SLC24A2: variants seen among roughly 807,000 people sequenced by gnomAD.
SLC24A2 encodes sodium/potassium/calcium exchanger 2.
A neutral mutation model predicts 62.0 loss-of-function variants in SLC24A2; 36 were observed. The observed-to-expected ratio is 0.58, with a 90% CI of 0.44 to 0.77. The LOEUF (loss-of-function observed/expected upper bound fraction) is 0.77, where lower values mean the gene tolerates loss of function less well. Ranked by LOEUF, SLC24A2 falls within the 30% of genes least tolerant of loss-of-function variation. SLC24A2 has a pLI of 0.00. For missense variants in SLC24A2, 846 were observed against 817.9 expected, an observed-to-expected ratio of 1.03 and a Z score of -0.42; for synonymous variants, 358 against 294.0, an observed-to-expected ratio of 1.22 and a Z score of -2.23.
intron 2 of SLC24A2, among the ~76,000 whole-genome samples, chr9:19,698,312 T>G (rs1820252423): frequency 6.6e-6 from 1 of 152,160 alleles, no homozygotes; most frequent in African/African-American, 2.4e-5. Context: ...ACCTTCAGAC[T>G]ATGTGTATAT....
chr9:20,172,052 C>A, the SLC24A2 span, among the ~76,000 whole-genome samples: 1 of 152,042 alleles, frequency 6.6e-6, no homozygotes. Context: ...GAAATGAACT[C>A]CAAAAGGAGC....
the SLC24A2 span, among the ~76,000 whole-genome samples, chr9:19,908,587 C>A: frequency 6.6e-6 from 1 of 152,170 alleles, no homozygotes; most frequent in African/African-American, 2.4e-5. Context: ...ATCTACTCAT[C>A]TGACAAAGGG....
chr9:20,213,332 C>T, the SLC24A2 span, among the ~76,000 whole-genome samples: 1 of 151,692 alleles, frequency 6.6e-6, no homozygotes, highest in African/African-American at 2.4e-5. Context: ...AGTCAAATTA[C>T]ATCAGACAAA....
chr9:19,670,716 A>T (rs1819389753), intron 2 of SLC24A2, among the ~76,000 whole-genome samples: 1 of 152,190 alleles, frequency 6.6e-6, no homozygotes, highest in Non-Finnish European at 1.5e-5. Flanking sequence ...GGTTAGGATG[A>T]AGAGGCAGAC....
chr9:19,839,452 AC>A, the SLC24A2 span, among the ~76,000 whole-genome samples: 1 of 152,164 alleles, frequency 6.6e-6, no homozygotes, highest in Non-Finnish European at 1.5e-5. Flanking sequence ...GCTGTTAGGT[AC>A]TATAGTCTGG....
the SLC24A2 span, among the ~76,000 whole-genome samples, chr9:20,227,170 G>A: frequency 6.6e-6 from 1 of 152,038 alleles, no homozygotes; most frequent in Non-Finnish European, 1.5e-5. Flanking sequence ...TTTCCTAACT[G>A]CCATGACACA....
chr9:19,834,126 A>G, the SLC24A2 span, among the ~76,000 whole-genome samples: 5 of 152,168 alleles, frequency 3.3e-5, no homozygotes, highest in African/African-American at 9.7e-5. Context: ...AAGATAGGGA[A>G]AAAACAGAGC....
At chr9:20,153,236 A>T in the SLC24A2 span, among the ~76,000 whole-genome samples, 1 of 151,962 alleles carries the variant, frequency 6.6e-6, no homozygotes, top group African/African-American at 2.4e-5. Flanking sequence ...ACCAGACCAG[A>T]ACTGAGACTG....
At chr9:20,072,536 G>T in the SLC24A2 span, among the ~76,000 whole-genome samples, 7 of 151,894 alleles carry the variant, frequency 4.6e-5, no homozygotes, top group Non-Finnish European at 7.4e-5. Context: ...AATATATTGT[G>T]ATCTGTATAT....
At chr9:19,608,814 G>A (rs576327877) in intron 4 of SLC24A2, among the ~76,000 whole-genome samples, 15 of 147,494 alleles carry the variant, frequency 1.0e-4, no homozygotes, top group Admixed American at 4.7e-4. Context: ...ACACACACAC[G>A]CATAGACACT....
chr9:19,709,519 C>T (rs370139834), intron 2 of SLC24A2, among the ~76,000 whole-genome samples: 10 of 151,646 alleles, frequency 6.6e-5, no homozygotes, highest in Middle Eastern at 3.2e-3. Context: ...TGTCCAACAA[C>T]GATAGACTGG....
chr9:20,276,651 T>C, the SLC24A2 span, among the ~76,000 whole-genome samples: 1 of 152,172 alleles, frequency 6.6e-6, no homozygotes, highest in African/African-American at 2.4e-5. Flanking sequence ...ACATTTCCCT[T>C]CCACACTGCC....
At chr9:19,967,108 T>A in the SLC24A2 span, 6 of 152,198 alleles carry the variant, frequency 3.9e-5, no homozygotes, top group Non-Finnish European at 8.8e-5. Context: ...TTGTGATGTA[T>A]ACAAGGCAGA....
chr9:19,963,094 C>G, the SLC24A2 span, among the ~76,000 whole-genome samples: 1 of 151,708 alleles, frequency 6.6e-6, no homozygotes, highest in Non-Finnish European at 1.5e-5. Flanking sequence ...CTTTGACAAA[C>G]CTGACAAAAA....
intron 2 of SLC24A2, among the ~76,000 whole-genome samples, chr9:19,764,910 T>G (rs1380574346): frequency 1.3e-5 from 2 of 152,218 alleles, no homozygotes; most frequent in African/African-American, 4.8e-5. Context: ...AGTCTCCCAC[T>G]ATTACTGTGT....
chr9:19,661,071 C>T (rs780922052), intron 2 of SLC24A2, among the ~76,000 whole-genome samples: 11 of 152,126 alleles, frequency 7.2e-5, no homozygotes, highest in Non-Finnish European at 1.0e-4. Context: ...ACTTACAGGC[C>T]TTGCATATAG....
At chr9:19,638,425 C>A (rs1404233158) in intron 2 of SLC24A2, among the ~76,000 whole-genome samples, 1 of 152,182 alleles carries the variant, frequency 6.6e-6, no homozygotes, top group African/African-American at 2.4e-5. Flanking sequence ...TTTCTTTTTA[C>A]CTGCTCTCTC....
chr9:20,074,372 A>G, the SLC24A2 span, among the ~76,000 whole-genome samples: 22 of 151,962 alleles, frequency 1.4e-4, no homozygotes, highest in South Asian at 2.3e-3. Flanking sequence ...TCATTGCTCA[A>G]TGCACACATA....
intron 5 of SLC24A2, among the ~76,000 whole-genome samples, chr9:19,596,703 G>A (rs1355744064): frequency 6.6e-6 from 1 of 152,172 alleles, no homozygotes; most frequent in East Asian, 1.9e-4. Context: ...TCAGAGTAAT[G>A]CTCCTATCTG....
Sources: gnomAD v4.1 joint callset for allele counts (sites outside exome capture counted in the v4.1 genomes callset) on GRCh38, gnomAD v4.1.1 for gene constraint, MANE v1.5 for transcripts, NCBI Gene and HGNC (gene_info 2026-07-23, HGNC 2026-07-21) for gene names.